The following RANBP2 variants were observed in gnomAD, a reference collection of about 807,000 sequenced individuals.
The protein encoded by RANBP2 is E3 SUMO-protein ligase RanBP2.
Under a neutral mutation model 303.6 loss-of-function variants are expected in RANBP2, and 57 were observed. That is an observed-to-expected ratio of 0.19 (90% CI 0.15 to 0.23). The LOEUF (loss-of-function observed/expected upper bound fraction) is 0.23, where lower values mean the gene tolerates loss of function less well. RANBP2 is among the 10% of genes least tolerant of loss of function. The pLI, the probability that RANBP2 is intolerant of heterozygous loss-of-function variation, is 1.00. For synonymous variants in RANBP2, 1,167 were observed against 1,301.5 expected, an observed-to-expected ratio of 0.90 and a Z score of 2.23; for missense variants, 3,138 against 3,780.8, an observed-to-expected ratio of 0.83 and a Z score of 4.46.
At chr2:109,235,185 A>G in the RANBP2 span, among the ~76,000 whole-genome samples, 5 of 152,106 alleles carry the variant, frequency 3.3e-5, no homozygotes, top group Admixed American at 2.0e-4. Flanking sequence ...GAGCGGGAGG[A>G]ACCTGTCTTC....
At chr2:109,150,425 A>G in the RANBP2 span, among the ~76,000 whole-genome samples, 1 of 152,146 alleles carries the variant, frequency 6.6e-6, no homozygotes. Context: ...TGAGCCTGGA[A>G]CTACTCTGCT....
the RANBP2 span, among the ~76,000 whole-genome samples, chr2:109,421,221 A>C: frequency 1.3e-5 from 2 of 152,194 alleles, no homozygotes; most frequent in African/African-American, 4.8e-5. Context: ...GAGTTTCCCA[A>C]ATGAGAGGCA....
chr2:108,937,901 G>A, the RANBP2 span, among the ~76,000 whole-genome samples: 3 of 152,222 alleles, frequency 2.0e-5, no homozygotes, highest in Non-Finnish European at 2.9e-5. Context: ...GTGGACAGAG[G>A]TAGGTTTGAG....
the RANBP2 span, among the ~76,000 whole-genome samples, chr2:109,441,446 G>A: frequency 6.6e-6 from 1 of 152,104 alleles, no homozygotes; most frequent in Admixed American, 6.5e-5. Flanking sequence ...AAACATTGCT[G>A]AAGAAAAAAT....
chr2:109,766,869 T>C, the RANBP2 span, among the ~76,000 whole-genome samples: 3 of 150,080 alleles, frequency 2.0e-5, no homozygotes, highest in African/African-American at 4.9e-5. Flanking sequence ...TTTAATATCA[T>C]TTAATGGTAA....
chr2:108,933,922 G>C, the RANBP2 span, among the ~76,000 whole-genome samples: 1 of 152,094 alleles, frequency 6.6e-6, no homozygotes, highest in Non-Finnish European at 1.5e-5. Context: ...GCAGAGATAG[G>C]TTTCCACTGA....
the RANBP2 span, among the ~76,000 whole-genome samples, chr2:109,565,323 T>G: frequency 6.6e-6 from 1 of 152,210 alleles, no homozygotes; most frequent in Non-Finnish European, 1.5e-5. Context: ...CTCATTATAA[T>G]GTCAGCTAAA....
chr2:108,816,829 G>A, the RANBP2 span, among the ~76,000 whole-genome samples: 2 of 152,220 alleles, frequency 1.3e-5, no homozygotes, highest in Non-Finnish European at 2.9e-5. Context: ...TTTGAGTAGG[G>A]TCTACAGGTA....
chr2:109,459,824 T>G, the RANBP2 span, among the ~76,000 whole-genome samples: 1 of 152,134 alleles, frequency 6.6e-6, no homozygotes, highest in African/African-American at 2.4e-5. Context: ...AAGCAGACAT[T>G]TTGCTAGTGG....
the RANBP2 span, among the ~76,000 whole-genome samples, chr2:109,182,617 A>G: frequency 6.6e-6 from 1 of 152,224 alleles, no homozygotes; most frequent in South Asian, 2.1e-4. Flanking sequence ...TGTTGCGTAA[A>G]TTGGTGACTA....
the RANBP2 span, among the ~76,000 whole-genome samples, chr2:109,066,034 T>C: frequency 6.6e-6 from 1 of 152,196 alleles, no homozygotes; most frequent in African/African-American, 2.4e-5. Flanking sequence ...GCCTCCCGGA[T>C]TCAAGCAATT....
In RANBP2 at chr2:108,740,432, A is replaced by G. The variant is rs995198613; in HGVS notation, c.783-57A>G. ...TATTTTGTTTTGAATTAAATAAACC[A>G]TGATTATTCACAGTGCAGTAAGTGT... On this transcript the variant is annotated intron_variant, in intron 6 of 28. Coordinates refer to ENST00000283195, the MANE Select transcript of RANBP2 (RefSeq NM_006267.5). 3.8e-6 allele frequency: 6 copies of G among 1,595,804 alleles called. No homozygotes were observed. The African/African-American group carries it at 4.0e-5, about 11-fold the overall frequency.
chr2:109,007,113 G>T, the RANBP2 span, among the ~76,000 whole-genome samples: 1 of 152,206 alleles, frequency 6.6e-6, no homozygotes, highest in African/African-American at 2.4e-5. Context: ...CTGGAAATCA[G>T]CTTTGACGCA....
At chr2:109,645,469 G>A in the RANBP2 span, among the ~76,000 whole-genome samples, 1 of 152,142 alleles carries the variant, frequency 6.6e-6, no homozygotes, top group Non-Finnish European at 1.5e-5. Context: ...GCGAAACTAC[G>A]CCTTACAAAA....
chr2:108,805,805 T>C, the RANBP2 span, among the ~76,000 whole-genome samples: 1 of 152,172 alleles, frequency 6.6e-6, no homozygotes, highest in African/African-American at 2.4e-5. Flanking sequence ...TTATGTCTAT[T>C]TTTTTCCTTC....
chr2:108,817,139 A>G, the RANBP2 span, among the ~76,000 whole-genome samples: 2 of 152,226 alleles, frequency 1.3e-5, no homozygotes, highest in African/African-American at 4.8e-5. Context: ...ACCTTAAAAT[A>G]GGGAGGTTAT....
the RANBP2 span, among the ~76,000 whole-genome samples, chr2:108,847,318 A>T: frequency 0.74 from 112,036 of 152,146 alleles, 43,541 homozygotes; most frequent in East Asian, 0.92. Context: ...TCCCACAACC[A>T]TGCTCATTTG....
chr2:108,762,039 A>G (rs1333850791), intron 18 of RANBP2, 62 bp from the exon 19 acceptor site: 7 of 1,587,788 alleles, frequency 4.4e-6, no homozygotes, highest in Non-Finnish European at 5.1e-6. Context: ...TCTTGCCTAG[A>G]TAGTCTTAAC....
the RANBP2 span, among the ~76,000 whole-genome samples, chr2:108,987,831 G>A: frequency 1.3e-5 from 2 of 152,164 alleles, no homozygotes; most frequent in African/African-American, 2.4e-5. Context: ...TCTTTTTGGT[G>A]GCCTCTGTCA....
Sources: allele counts gnomAD v4.1 joint callset (sites outside exome capture counted in the v4.1 genomes callset), GRCh38; gene constraint gnomAD v4.1.1; transcripts MANE v1.5; gene names NCBI Gene and HGNC (gene_info 2026-07-23, HGNC 2026-07-21).